The following ATRX variants were observed in gnomAD, a reference collection of about 807,000 sequenced individuals.
ATRX encodes the protein ATRX chromatin remodeler, also known as chromatin remodeler ATRX.
Under a neutral mutation model 172.6 loss-of-function variants are expected in ATRX, and 12 were observed. The observed-to-expected ratio is 0.07, with a 90% CI of 0.04 to 0.11. The LOEUF (loss-of-function observed/expected upper bound fraction) is 0.11. Among genes scored for constraint, ATRX ranks in the 10% least tolerant of loss-of-function variants. ATRX has a pLI of 1.00. For synonymous variants in ATRX, 674 were observed against 594.7 expected, an observed-to-expected ratio of 1.13 and a Z score of -1.94; for missense variants, 1,368 against 1,767.4, an observed-to-expected ratio of 0.77 and a Z score of 4.05.
At chrX:77,696,461 AAATGCC>A in intron 5 of ATRX, 110 bp downstream of exon 5, 2 of 797,651 alleles carry the variant, frequency 2.5e-6, no homozygotes, top group Non-Finnish European at 3.7e-6. Flanking sequence ...ACCACTAGGA[AAATGCC>A]ATGTTTGGTC....
chrX:77,664,314 C>T (rs782345097), intron 11 of ATRX, among the ~76,000 whole-genome samples: 16 of 109,594 alleles, frequency 1.5e-4, no homozygotes, highest in Non-Finnish European at 3.0e-4. Flanking sequence ...GGCTGGAGTG[C>T]AGCAGCGTGA....
chrX:77,623,373 C>A (rs2067679306), intron 19 of ATRX, among the ~76,000 whole-genome samples: 1 of 110,851 alleles, frequency 9.0e-6, no homozygotes, highest in African/African-American at 3.3e-5. Context: ...GAATTTGATA[C>A]CCCGAACAGA....
chrX:77,642,660 CA>C (rs376876496), intron 15 of ATRX, among the ~76,000 whole-genome samples: 58 of 82,317 alleles, frequency 7.0e-4, no homozygotes, highest in Admixed American at 9.2e-4. Context: ...AAAAAAAAAA[CA>C]AAAAAAAAAA....
intron 27 of ATRX, among the ~76,000 whole-genome samples, chrX:77,577,639 A>T (rs2065669450): frequency 9.0e-6 from 1 of 111,624 alleles, no homozygotes; most frequent in African/African-American, 3.3e-5. Flanking sequence ...ACTACCTATA[A>T]GAAGAGCCCA....
chrX:77,515,646 CT>C (rs2063028620), intron 34 of ATRX, among the ~76,000 whole-genome samples: 1 of 111,787 alleles, frequency 8.9e-6, no homozygotes, highest in Non-Finnish European at 1.9e-5. Flanking sequence ...CCATAGCCTG[CT>C]ACTAATGCCT....
In ATRX at chrX:77,526,814, C is replaced by T. The variant is rs916077221; in HGVS notation, c.6700-3413G>A. ...AAACGCCATTTCTAAACCCCTTTAA[C>T]GTATTCACCCCACTAATTCCAGATT... On this transcript the variant is annotated intron_variant, in intron 30 of 34. Transcript: ENST00000373344. Among the ~76,000 whole-genome samples, 9 of 111,899 alleles carry T rather than the reference C, an allele frequency of 8.0e-5. No homozygotes were observed. The South Asian group carries it at 3.4e-3, about 42-fold the overall frequency.
chrX:77,729,830 G>A (rs1336517451), intron 1 of ATRX, among the ~76,000 whole-genome samples: 1 of 111,034 alleles, frequency 9.0e-6, no homozygotes, highest in Non-Finnish European at 1.9e-5. Context: ...CCAGCTACTC[G>A]GTAGGCTGAG....
At chrX:77,511,906 T>C (rs1246056189) in intron 34 of ATRX, among the ~76,000 whole-genome samples, 1 of 111,494 alleles carries the variant, frequency 9.0e-6, no homozygotes, top group African/African-American at 3.3e-5. Flanking sequence ...ATAAAGTTTA[T>C]TCAAAGGGAC....
intron 17 of ATRX, 47 bp downstream of exon 17, chrX:77,634,547 T>G (rs782186952): frequency 9.7e-7 from 1 of 1,027,669 alleles, no homozygotes. Context: ...CAATATATAT[T>G]AATGAATCCA....
At chrX:77,706,217 C>T (rs1426865683) in intron 2 of ATRX, among the ~76,000 whole-genome samples, 3 of 107,715 alleles carry the variant, frequency 2.8e-5, no homozygotes, top group African/African-American at 1.0e-4. Flanking sequence ...CTCCTGGGCC[C>T]GAGTACCCCT....
At chrX:77,755,320 G>A (rs1200670945) in intron 1 of ATRX, among the ~76,000 whole-genome samples, 1 of 111,993 alleles carries the variant, frequency 8.9e-6, no homozygotes, top group African/African-American at 3.2e-5. Context: ...CCCACCTTCT[G>A]AAGCCTAGTT....
chrX:77,703,558 G>A (rs1010976614), intron 2 of ATRX, among the ~76,000 whole-genome samples: 3 of 112,404 alleles, frequency 2.7e-5, no homozygotes, highest in Non-Finnish European at 3.8e-5. Context: ...CCCAAAGAGG[G>A]AGTCACAGCC....
intron 27 of ATRX, among the ~76,000 whole-genome samples, chrX:77,579,863 CAG>C (rs1242361915): frequency 2.7e-5 from 3 of 112,077 alleles, no homozygotes; most frequent in African/African-American, 9.7e-5. Flanking sequence ...TGTGACCTTT[CAG>C]AGAGAGAACA....
At chrX:77,671,170 ATATATATATAT>A (rs2070581064) in intron 10 of ATRX, among the ~76,000 whole-genome samples, 2 of 50,523 alleles carry the variant, frequency 4.0e-5, no homozygotes, top group Admixed American at 2.3e-4. Flanking sequence ...AAAAAAAAAT[ATATATATATAT>A]ATATATATAT....
intron 1 of ATRX, among the ~76,000 whole-genome samples, chrX:77,766,809 C>T (rs1557196226): frequency 9.0e-6 from 1 of 110,676 alleles, no homozygotes; most frequent in East Asian, 2.9e-4. Flanking sequence ...CCTCACTTCC[C>T]AGACGGGGTG....
At chrX:77,687,152 C>CAAAA (rs146268162) in intron 7 of ATRX, among the ~76,000 whole-genome samples, 1 of 39,378 alleles carries the variant, frequency 2.5e-5, no homozygotes, top group Non-Finnish European at 4.2e-5. Flanking sequence ...GACTCCGTCT[C>CAAAA]AAAAAAAAAA....
At chrX:77,750,471 G>A (rs967673696) in intron 1 of ATRX, among the ~76,000 whole-genome samples, 9 of 111,359 alleles carry the variant, frequency 8.1e-5, no homozygotes, top group Non-Finnish European at 1.5e-4. Context: ...AGACACCTAA[G>A]GGAGGAGGTA....
intron 30 of ATRX, among the ~76,000 whole-genome samples, chrX:77,552,840 G>A (rs1409095719): frequency 9.0e-6 from 1 of 110,976 alleles, no homozygotes; most frequent in East Asian, 2.8e-4. Flanking sequence ...TGATGAAGCA[G>A]AAAGAGATAC....
chrX:77,509,982 C>T (rs1275601960), intron 34 of ATRX, among the ~76,000 whole-genome samples: 5 of 108,829 alleles, frequency 4.6e-5, no homozygotes, highest in African/African-American at 1.4e-4. Context: ...GCCACACCTT[C>T]GCAAACCCCA....
Sources: allele counts gnomAD v4.1 joint callset (sites outside exome capture counted in the v4.1 genomes callset), GRCh38; gene constraint gnomAD v4.1.1; transcripts MANE v1.5; gene names NCBI Gene and HGNC (gene_info 2026-07-23, HGNC 2026-07-21).